COX7B2: variants seen among roughly 807,000 people sequenced by gnomAD.
COX7B2 encodes the protein cytochrome c oxidase subunit 7B2, also known as cytochrome c oxidase subunit 7B2, mitochondrial.
For missense variants in COX7B2, 109 were observed against 95.9 expected (o/e 1.14, Z -0.57); for synonymous variants, 37 against 32.1 (o/e 1.15, Z -0.51).
At chr4:46,878,176 C>T (rs537867359) in intron 1 of COX7B2, among the ~76,000 whole-genome samples, 6 of 151,480 alleles carry the variant, frequency 4.0e-5, no homozygotes, top group Middle Eastern at 3.4e-3. Context: ...CACTTATATG[C>T]GGAAGTTTTT....
intron 2 of COX7B2, among the ~76,000 whole-genome samples, chr4:46,788,443 A>G (rs1043218505): frequency 1.3e-5 from 2 of 151,976 alleles, no homozygotes; most frequent in African/African-American, 2.4e-5. Context: ...TTTAACAGCT[A>G]GGGGTCATTT....
chr4:46,780,827 TC>T (rs1313070937), intron 2 of COX7B2, among the ~76,000 whole-genome samples: 1 of 152,218 alleles, frequency 6.6e-6, no homozygotes, highest in Non-Finnish European at 1.5e-5. Flanking sequence ...TTGGCCTTGC[TC>T]CATACTCATC....
chr4:46,753,699 C>A (rs991375484), intron 2 of COX7B2, among the ~76,000 whole-genome samples: 24 of 151,904 alleles, frequency 1.6e-4, no homozygotes, highest in African/African-American at 5.8e-4. Context: ...CAACAAAAAC[C>A]AAAATTGACA....
At chr4:46,752,860 C>A (rs887362764) in intron 2 of COX7B2, among the ~76,000 whole-genome samples, 2 of 151,848 alleles carry the variant, frequency 1.3e-5, no homozygotes, top group East Asian at 1.9e-4. Context: ...TGTTCATCAG[C>A]GATATTGGTC....
At chr4:46,894,932 T>C (rs1405366013) in intron 1 of COX7B2, among the ~76,000 whole-genome samples, 1 of 152,178 alleles carries the variant, frequency 6.6e-6, no homozygotes, top group Non-Finnish European at 1.5e-5. Flanking sequence ...TACAATAAGA[T>C]AGCATCTCAC....
At chr4:46,786,152 C>T (rs1388114069) in intron 2 of COX7B2, among the ~76,000 whole-genome samples, 1 of 152,028 alleles carries the variant, frequency 6.6e-6, no homozygotes, top group Middle Eastern at 3.2e-3. Flanking sequence ...TCCTGAATTC[C>T]CACCAACCAA....
intron 2 of COX7B2, among the ~76,000 whole-genome samples, chr4:46,780,352 C>A (rs949532760): frequency 1.3e-5 from 2 of 152,026 alleles, no homozygotes; most frequent in African/African-American, 4.8e-5. Flanking sequence ...CCCGTCTCTA[C>A]TAAAAATACA....
At chr4:46,797,601 C>A (rs1050318147) in intron 2 of COX7B2, among the ~76,000 whole-genome samples, 1 of 152,128 alleles carries the variant, frequency 6.6e-6, no homozygotes, top group South Asian at 2.1e-4. Context: ...AAACCAAAAG[C>A]GACACCACTT....
chr4:46,807,279 C>A (rs1719052196), intron 2 of COX7B2, among the ~76,000 whole-genome samples: 1 of 151,782 alleles, frequency 6.6e-6, no homozygotes, highest in Admixed American at 6.6e-5. Flanking sequence ...ATGTTGAGCA[C>A]TTTTCATACC....
In COX7B2 at chr4:46,788,923, G is replaced by A. The variant is rs184452051; in HGVS notation, c.-49-53682C>T. ...GGGTGGTAGAGAGATTTAGGTGTGCGGATAACCAGTTCTAATAAGCACCAT... is the reference window on the plus strand; with the variant it reads ...GGGTGGTAGAGAGATTTAGGTGTGCAGATAACCAGTTCTAATAAGCACCAT... On this transcript the variant is annotated intron_variant, in intron 2 of 2. Coordinates refer to ENST00000355591, the MANE Select transcript of COX7B2 (RefSeq NM_130902.3). Among the ~76,000 whole-genome samples the A allele has an allele frequency of 1.2e-3, 188 of 152,158 alleles. 1 individual carries two copies. The highest frequency in any genetic ancestry group is 4.3e-3 in the African/African-American group (177 of 41,528).
chr4:46,830,850 T>C (rs989743853), intron 2 of COX7B2, among the ~76,000 whole-genome samples: 5 of 152,212 alleles, frequency 3.3e-5, no homozygotes, highest in Non-Finnish European at 5.9e-5. Context: ...AGGCAAAGTA[T>C]GGAGAAAGTG....
At chr4:46,864,590 C>A (rs1717533046) in intron 1 of COX7B2, among the ~76,000 whole-genome samples, 1 of 152,092 alleles carries the variant, frequency 6.6e-6, no homozygotes, top group Non-Finnish European at 1.5e-5. Context: ...GCACCATCAG[C>A]CTATTCTTAT....
At chr4:46,763,786 CA>C (rs1042703281) in intron 2 of COX7B2, among the ~76,000 whole-genome samples, 45 of 152,258 alleles carry the variant, frequency 3.0e-4, no homozygotes, top group African/African-American at 1.0e-3. Flanking sequence ...TGCATAAACA[CA>C]GATGTATATA....
At chr4:46,746,075 G>A (rs1038846642) in intron 2 of COX7B2, among the ~76,000 whole-genome samples, 2 of 152,076 alleles carry the variant, frequency 1.3e-5, no homozygotes, top group East Asian at 3.9e-4. Context: ...TAATGGAATG[G>A]TAGGTTTTCT....
intron 2 of COX7B2, among the ~76,000 whole-genome samples, chr4:46,803,927 T>C (rs1332417735): frequency 1.3e-5 from 2 of 152,250 alleles, no homozygotes; most frequent in East Asian, 3.9e-4. Flanking sequence ...GTGTCCGGAA[T>C]TGGTGGGTTG....
At chr4:46,768,916 A>G (rs1001923744) in intron 2 of COX7B2, among the ~76,000 whole-genome samples, 6 of 152,116 alleles carry the variant, frequency 3.9e-5, no homozygotes, top group African/African-American at 1.2e-4. Context: ...ATCATAAGAG[A>G]CAACTATAAA....
At chr4:46,767,006 T>A (rs1215925384) in intron 2 of COX7B2, among the ~76,000 whole-genome samples, 1 of 152,162 alleles carries the variant, frequency 6.6e-6, no homozygotes, top group Non-Finnish European at 1.5e-5. Context: ...CAAATGTCCT[T>A]ACCCATTAAT....
At chr4:46,785,324 T>C (rs1398020560) in intron 2 of COX7B2, among the ~76,000 whole-genome samples, 1 of 152,066 alleles carries the variant, frequency 6.6e-6, no homozygotes, top group African/African-American at 2.4e-5. Flanking sequence ...AAAAACTCTA[T>C]TGTTGTTGAA....
intron 2 of COX7B2, among the ~76,000 whole-genome samples, chr4:46,806,069 C>T (rs1319346641): frequency 1.3e-5 from 2 of 152,070 alleles, no homozygotes; most frequent in African/African-American, 4.8e-5. Flanking sequence ...ATATGAAATG[C>T]ATGTTTAAAA....
Sources: allele counts gnomAD v4.1 joint callset (sites outside exome capture counted in the v4.1 genomes callset), GRCh38; gene constraint gnomAD v4.1.1; transcripts MANE v1.5; gene names NCBI Gene and HGNC (gene_info 2026-07-23, HGNC 2026-07-21).